EPB41L3: variants seen among roughly 807,000 people sequenced by gnomAD.
EPB41L3 encodes band 4.1-like protein 3.
Under a neutral mutation model 127.1 loss-of-function variants are expected in EPB41L3, and 57 were observed. That is an observed-to-expected ratio of 0.45 (90% CI 0.36 to 0.56). The LOEUF is 0.56. Ranked by LOEUF, EPB41L3 falls within the 20% of genes least tolerant of loss-of-function variation. EPB41L3 has a pLI of 0.00. For synonymous variants in EPB41L3, 572 were observed against 549.5 expected (o/e 1.04, Z -0.57); for missense variants, 1,273 against 1,372.2 (o/e 0.93, Z 1.14).
chr18:5,605,055 AG>A (rs1363375254), intron 3 of EPB41L3, among the ~76,000 whole-genome samples: 4 of 151,982 alleles, frequency 2.6e-5, no homozygotes, highest in African/African-American at 9.7e-5. Context: ...CCTCCTGGGG[AG>A]GGCCAACATC....
chr18:5,418,674 C>G (rs1233786845), intron 12 of EPB41L3, among the ~76,000 whole-genome samples: 1 of 152,158 alleles, frequency 6.6e-6, no homozygotes, highest in Non-Finnish European at 1.5e-5. Context: ...AATAAATAAT[C>G]TTATCCCAAA....
rs577162198 is a variant in EPB41L3, at chr18:5,524,044, C to G, written c.-12+19869G>C. On this transcript the variant is annotated intron_variant, in intron 1 of 22. Transcript: ENST00000341928. ...TAGGGGTGCCCTACAAATAATAATT[C>G]ATTTAATTCTCACAACAAACCTTTG... Among the ~76,000 whole-genome samples the G allele has an allele frequency of 2.6e-5, 4 of 151,970 alleles. No individual in the cohort carries two copies. In the South Asian group the frequency reaches 8.3e-4, roughly 32 times the overall value.
At chr18:5,597,058 T>G (rs143294917) in intron 3 of EPB41L3, among the ~76,000 whole-genome samples, 77 of 152,146 alleles carry the variant, frequency 5.1e-4, no homozygotes, top group African/African-American at 1.8e-3. Flanking sequence ...CCCCCATCTC[T>G]GAAAAGAAGG....
intron 1 of EPB41L3, among the ~76,000 whole-genome samples, chr18:5,515,094 A>G (rs945999827): frequency 1.3e-5 from 2 of 152,146 alleles, no homozygotes; most frequent in Non-Finnish European, 2.9e-5. Context: ...TGGAGAGGAC[A>G]TTTTATTTTT....
At position 5,397,455 on chromosome 18, in the gene EPB41L3, G is replaced by A; in HGVS notation, c.2473-29C>T. 6.3e-7 allele frequency: 1 copy of A among 1,577,946 alleles called. No individual in the cohort carries two copies. The highest frequency in any genetic ancestry group is 8.6e-7 in the Non-Finnish European group (1 of 1,161,856). Reference sequence around the variant, plus strand: ...CATGGGAAGAGATTGTGGCATCAGTGTGACCATCCATAAACCAAAGGTCAG... The same window carrying A: ...CATGGGAAGAGATTGTGGCATCAGTATGACCATCCATAAACCAAAGGTCAG... On this transcript the variant is annotated intron_variant, in intron 17 of 22. Coordinates refer to ENST00000341928, the MANE Select transcript of EPB41L3 (RefSeq NM_012307.5). The surrounding 1 kb of genome is among the most constrained non-coding windows in gnomAD (Gnocchi z 4.1).
intron 1 of EPB41L3, among the ~76,000 whole-genome samples, chr18:5,489,852 C>T (rs920937207): frequency 6.6e-6 from 1 of 152,214 alleles, no homozygotes; most frequent in African/African-American, 2.4e-5. Flanking sequence ...TTCTTCCTGG[C>T]TTCCCCCTAT....
intron 6 of EPB41L3, among the ~76,000 whole-genome samples, chr18:5,436,227 T>C (rs925063172): frequency 1.3e-5 from 2 of 152,064 alleles, no homozygotes; most frequent in African/African-American, 4.8e-5. Context: ...AATGAACTGT[T>C]CATCTATGGA....
At chr18:5,398,837 G>A (rs926689524) in intron 16 of EPB41L3, 6 of 399,148 alleles carry the variant, frequency 1.5e-5, no homozygotes, top group Admixed American at 8.8e-5. Flanking sequence ...CAGGGAGGAC[G>A]GCCACATCCT....
At chr18:5,531,731 CAAAAAAAAAAA>C (rs57625472) in intron 1 of EPB41L3, among the ~76,000 whole-genome samples, 1 of 67,836 alleles carries the variant, frequency 1.5e-5, no homozygotes, top group Admixed American at 1.9e-4. Flanking sequence ...GACCCTGTCT[CAAAAAAAAAAA>C]AAAAAAAAAA....
intron 1 of EPB41L3, among the ~76,000 whole-genome samples, chr18:5,493,783 C>T (rs530515070): frequency 6.6e-6 from 1 of 152,080 alleles, no homozygotes; most frequent in African/African-American, 2.4e-5. Context: ...GTATATTCCT[C>T]ATAATTCTAG....
chr18:5,604,252 C>T lies in EPB41L3; in HGVS notation c.-306+8088G>A, dbSNP rs527860445. Among the ~76,000 whole-genome samples, 278 of 148,772 alleles carry T rather than the reference C, an allele frequency of 1.9e-3. 1 individual carries two copies. The highest frequency in any genetic ancestry group is 6.9e-3 in the Middle Eastern group (2 of 290). ...TGAAATCTCCTTGGTATTTGACTTA[C>T]TCTTTTTTTTTTAATGATCCCATAG... On this transcript the variant is annotated intron_variant, in intron 3 of 21. Transcript: ENST00000545076.
chr18:5,456,861 A>C (rs1202632852), intron 3 of EPB41L3, among the ~76,000 whole-genome samples: 1 of 152,208 alleles, frequency 6.6e-6, no homozygotes, highest in Non-Finnish European at 1.5e-5. Flanking sequence ...TGCTAAGAAG[A>C]TGGGAGGCCT....
At chr18:5,571,972 C>T (rs562694795) in intron 3 of EPB41L3, among the ~76,000 whole-genome samples, 10 of 152,296 alleles carry the variant, frequency 6.6e-5, no homozygotes, top group South Asian at 6.2e-4. Context: ...GCTAGACCTG[C>T]GTACTTGGAA....
chr18:5,628,533 C>G (rs932639990), intron 1 of EPB41L3, among the ~76,000 whole-genome samples: 2 of 152,238 alleles, frequency 1.3e-5, no homozygotes, highest in African/African-American at 4.8e-5. Flanking sequence ...TACTGCGCTA[C>G]CCGCCAGAGC....
intron 2 of EPB41L3, among the ~76,000 whole-genome samples, chr18:5,484,196 C>CA (rs1315526403): frequency 6.4e-5 from 9 of 140,660 alleles, no homozygotes; most frequent in African/African-American, 2.1e-4. Context: ...AGAGGAACCT[C>CA]AGAAAATACA....
intron 3 of EPB41L3, 44 bp downstream of exon 3, chr18:5,478,197 G>T: frequency 6.4e-7 from 1 of 1,555,642 alleles, no homozygotes; most frequent in South Asian, 1.1e-5. Flanking sequence ...ACATTCCCCA[G>T]CTCTCAATAT....
intron 1 of EPB41L3, among the ~76,000 whole-genome samples, chr18:5,617,984 G>A (rs1006613694): frequency 6.6e-6 from 1 of 152,026 alleles, no homozygotes; most frequent in African/African-American, 2.4e-5. Flanking sequence ...CTGTTCCAAG[G>A]TCCCATAAGT....
intron 8 of EPB41L3, 48 bp downstream of exon 8, chr18:5,433,419 CAA>C: frequency 7.6e-7 from 1 of 1,314,876 alleles, no homozygotes; most frequent in South Asian, 1.3e-5. Flanking sequence ...ATAACAACAT[CAA>C]GTTACATAAT....
At chr18:5,457,901 G>A (rs912959310) in intron 3 of EPB41L3, among the ~76,000 whole-genome samples, 5 of 152,106 alleles carry the variant, frequency 3.3e-5, no homozygotes, top group East Asian at 1.9e-4. Flanking sequence ...TAGCTCCTGC[G>A]TTGCCACTGT....
Sources: gnomAD v4.1 joint callset for allele counts (sites outside exome capture counted in the v4.1 genomes callset) on GRCh38, gnomAD v4.1.1 for gene constraint, Gnocchi (gnomAD v3.1) non-coding constraint, MANE v1.5 for transcripts, NCBI Gene and HGNC (gene_info 2026-07-23, HGNC 2026-07-21) for gene names.